Variants in TUSC3 observed in about 807,000 individuals in gnomAD.
TUSC3 encodes dolichyl-diphosphooligosaccharide--protein glycosyltransferase subunit TUSC3.
A neutral mutation model predicts 44.8 loss-of-function variants in TUSC3; 45 were observed. The ratio of observed to expected loss-of-function variants is 1.00; its 90% CI spans 0.79 to 1.29. The LOEUF (loss-of-function observed/expected upper bound fraction) is 1.29. TUSC3 is among the 50% of genes most tolerant of loss of function. The pLI, the probability that TUSC3 is intolerant of heterozygous loss-of-function variation, is 0.00. For synonymous variants in TUSC3, 212 were observed against 152.9 expected (o/e 1.39, Z -2.85); for missense variants, 519 against 437.9 (o/e 1.19, Z -1.65).
At chr8:15,636,136 G>A (rs551965990) in intron 2 of TUSC3, among the ~76,000 whole-genome samples, 25 of 152,166 alleles carry the variant, frequency 1.6e-4, no homozygotes, top group Non-Finnish European at 3.2e-4. Flanking sequence ...GAACAACCAC[G>A]CCTGTTTTTG....
intron 1 of TUSC3, among the ~76,000 whole-genome samples, chr8:15,555,804 T>A (rs1802239258): frequency 6.6e-6 from 1 of 151,550 alleles, no homozygotes; most frequent in Admixed American, 6.6e-5. Context: ...GGCTTTTGTT[T>A]AGAAGTATTA....
At chr8:15,450,837 C>A (rs1417968682) in intron 1 of TUSC3, among the ~76,000 whole-genome samples, 1 of 152,114 alleles carries the variant, frequency 6.6e-6, no homozygotes, top group African/African-American at 2.4e-5. Flanking sequence ...AAGGGGAATT[C>A]ATAGAACCTC....
the TUSC3 span, among the ~76,000 whole-genome samples, chr8:15,838,570 T>G: frequency 6.6e-6 from 1 of 152,060 alleles, no homozygotes; most frequent in Non-Finnish European, 1.5e-5. Flanking sequence ...TTAAAAAAAC[T>G]CAGGAGCTAG....
chr8:15,567,199 C>G (rs1802709794), intron 1 of TUSC3, among the ~76,000 whole-genome samples: 1 of 152,096 alleles, frequency 6.6e-6, no homozygotes, highest in South Asian at 2.1e-4. Context: ...AATGAAGGAA[C>G]TGAAAAACAT....
chr8:15,700,988 A>G lies in TUSC3; in HGVS notation c.798+27152A>G, dbSNP rs189370428. Among the ~76,000 whole-genome samples, 570 of 150,718 alleles carry G rather than the reference A, an allele frequency of 3.8e-3. 1 individual carries two copies. Among genetic ancestry groups the G allele is most frequent in the Middle Eastern group, 6.9e-3 (2 of 288 alleles). The stretch of plus-strand genomic sequence containing the variant: ...CTATTCTGTGTGCTTTCTTCTCTCT[A>G]CCTTTCAGAATCTTCTTATGTTTGT... On this transcript the variant is annotated intron_variant, in intron 6 of 10. Transcript: ENST00000503731.
At chr8:15,494,723 T>A (rs1800856878) in intron 2 of TUSC3, among the ~76,000 whole-genome samples, 2 of 152,214 alleles carry the variant, frequency 1.3e-5, no homozygotes, top group African/African-American at 2.4e-5. Flanking sequence ...TCACACAGAA[T>A]ATCCAGACAG....
Position 15,748,247 on chromosome 8 carries a change from T to C in TUSC3, c.938-128T>C, listed in dbSNP as rs1249555491. 8 of 744,268 alleles carry C rather than the reference T, an allele frequency of 1.1e-5. No homozygotes were observed. The East Asian group carries it at 1.5e-4, about 14-fold the overall frequency. 46.1% of individuals were successfully genotyped at this position (744,268 alleles called of 1,614,324 possible). On this transcript the variant is annotated intron_variant, in intron 8 of 10. Transcript: ENST00000503731. Reference sequence around the variant, plus strand: ...ATACCTGTATCCAAATACCTGTTTGTTGTACCTGTATGTACCATGAACTGT... The same window carrying C: ...ATACCTGTATCCAAATACCTGTTTGCTGTACCTGTATGTACCATGAACTGT...
intron 1 of TUSC3, among the ~76,000 whole-genome samples, chr8:15,447,799 A>G (rs1220867773): frequency 1.3e-5 from 2 of 151,912 alleles, no homozygotes; most frequent in African/African-American, 4.8e-5. Context: ...GAAAACTATT[A>G]CAAATAAATG....
intron 3 of TUSC3, among the ~76,000 whole-genome samples, chr8:15,656,274 T>C (rs1280592812): frequency 6.6e-6 from 1 of 152,082 alleles, no homozygotes; most frequent in Non-Finnish European, 1.5e-5. Context: ...GTCCAAAGTC[T>C]TAACAAAATC....
the TUSC3 span, among the ~76,000 whole-genome samples, chr8:15,807,917 A>C: frequency 6.6e-6 from 1 of 152,226 alleles, no homozygotes; most frequent in Admixed American, 6.6e-5. Context: ...TGGGTACTAC[A>C]TTCTATATCT....
At chr8:15,694,240 T>G (rs868048386) in intron 6 of TUSC3, among the ~76,000 whole-genome samples, 8 of 151,838 alleles carry the variant, frequency 5.3e-5, no homozygotes, top group Admixed American at 1.3e-4. Flanking sequence ...GTCAGGAGTT[T>G]CATACCAGCC....
chr8:15,511,778 G>A (rs1252373339), intron 2 of TUSC3, among the ~76,000 whole-genome samples: 1 of 151,996 alleles, frequency 6.6e-6, no homozygotes, highest in Non-Finnish European at 1.5e-5. Context: ...GCTGAGGAAG[G>A]AAGAACTGAT....
At chr8:15,673,665 C>A in intron 5 of TUSC3, 82 bp from the exon 6 acceptor site, 3 of 1,171,232 alleles carry the variant, frequency 2.6e-6, no homozygotes, top group Non-Finnish European at 3.8e-6. Context: ...AAGATACTTT[C>A]ATGATGACCA....
At chr8:15,425,465 G>A (rs2129115970) in intron 1 of TUSC3, among the ~76,000 whole-genome samples, 1 of 152,320 alleles carries the variant, frequency 6.6e-6, no homozygotes, top group Non-Finnish European at 1.5e-5. Flanking sequence ...GAGAGAGAAA[G>A]ATTTCTTTAT....
chr8:15,634,958 C>A (rs1222803978), intron 2 of TUSC3, among the ~76,000 whole-genome samples: 1 of 152,174 alleles, frequency 6.6e-6, no homozygotes, highest in Non-Finnish European at 1.5e-5. Context: ...GTGTGAAGTA[C>A]ACTCAGCCAA....
intron 2 of TUSC3, among the ~76,000 whole-genome samples, chr8:15,489,629 T>C (rs1290448364): frequency 2.0e-5 from 3 of 152,188 alleles, no homozygotes; most frequent in East Asian, 1.9e-4. Flanking sequence ...TGTGATGCTA[T>C]ACTACAGTTA....
At chr8:15,617,332 G>T (rs1200109952) in intron 1 of TUSC3, among the ~76,000 whole-genome samples, 1 of 151,686 alleles carries the variant, frequency 6.6e-6, no homozygotes, top group Non-Finnish European at 1.5e-5. Flanking sequence ...TAGAGACAGG[G>T]TTTCACCATA....
At chr8:15,499,257 A>G (rs541541192) in intron 2 of TUSC3, among the ~76,000 whole-genome samples, 3 of 152,084 alleles carry the variant, frequency 2.0e-5, no homozygotes, top group African/African-American at 4.8e-5. Context: ...TTTTATTTGC[A>G]TTTCTATGTT....
intron 1 of TUSC3, among the ~76,000 whole-genome samples, chr8:15,565,127 T>C (rs565499471): frequency 6.6e-6 from 1 of 151,680 alleles, no homozygotes; most frequent in Non-Finnish European, 1.5e-5. Context: ...AGTCAAGGTG[T>C]CTGCAGGTTT....
Sources: gnomAD v4.1 joint callset for allele counts (sites outside exome capture counted in the v4.1 genomes callset) on GRCh38, gnomAD v4.1.1 for gene constraint, MANE v1.5 for transcripts, NCBI Gene and HGNC (gene_info 2026-07-23, HGNC 2026-07-21) for gene names.